Variants in ADAM23 observed in about 807,000 individuals in gnomAD.
ADAM23 encodes the protein ADAM metallopeptidase domain 23, also known as disintegrin and metalloproteinase domain-containing protein 23.
In ADAM23, 33 loss-of-function variants were observed where a neutral mutation model predicts 120.1. That is an observed-to-expected ratio of 0.27 (90% CI 0.21 to 0.37). The LOEUF (loss-of-function observed/expected upper bound fraction) is 0.37. Ranked by LOEUF, ADAM23 falls within the 10% of genes least tolerant of loss-of-function variation. The pLI is 1.00. For synonymous variants in ADAM23, 367 were observed against 375.2 expected (o/e 0.98, Z 0.25); for missense variants, 862 against 1,058.2 (o/e 0.81, Z 2.57).
chr2:206,472,289 C>A (rs1187650622), intron 2 of ADAM23, among the ~76,000 whole-genome samples: 2 of 152,256 alleles, frequency 1.3e-5, no homozygotes, highest in Middle Eastern at 6.8e-3. Context: ...CTTCCTCTTT[C>A]TCTTCAGCGT....
intron 5 of ADAM23, 85 bp downstream of exon 5, chr2:206,542,219 G>A (rs1004391173): frequency 1.6e-5 from 21 of 1,345,194 alleles, no homozygotes; most frequent in African/African-American, 4.3e-5. Context: ...TGACTCTTCC[G>A]TGCCAGTGCT....
chr2:206,564,853 TA>T (rs1402909023), intron 13 of ADAM23, among the ~76,000 whole-genome samples, 166 bp from the exon 14 acceptor site: 1 of 152,250 alleles, frequency 6.6e-6, no homozygotes, highest in East Asian at 1.9e-4. Flanking sequence ...GATAAGGAAC[TA>T]TTGATTTAAA....
chr2:206,506,979 A>G (rs1472007436), intron 3 of ADAM23, among the ~76,000 whole-genome samples: 1 of 152,190 alleles, frequency 6.6e-6, no homozygotes, highest in Non-Finnish European at 1.5e-5. Flanking sequence ...TAAAAATGGA[A>G]AAAGGTGCTC....
chr2:206,578,200 C>T (rs1390671881), intron 18 of ADAM23, among the ~76,000 whole-genome samples: 2 of 151,844 alleles, frequency 1.3e-5, no homozygotes, highest in Non-Finnish European at 2.9e-5. Flanking sequence ...CATTACAAAT[C>T]TATTTATTTA....
chr2:206,520,410 G>A (rs1341717830), intron 3 of ADAM23, among the ~76,000 whole-genome samples: 1 of 152,184 alleles, frequency 6.6e-6, no homozygotes, highest in African/African-American at 2.4e-5. Flanking sequence ...GTACACATTA[G>A]CATTTGCATA....
rs758307823 is a variant in ADAM23 at position 206,589,483 on chromosome 2, G to C, written c.1927G>C (p.Asp643His). Residue 643 changes from aspartate to histidine, a missense_variant, in exon 21 of 26, where the codon GAT (aspartate) becomes CAT (histidine). Asp to His is a moderately conservative substitution (Grantham distance 81). Around this residue, in one of 4 missense-constraint regions of ADAM23, gnomAD observed 617 missense variants for 813.5 expected, o/e 0.76. Coordinates refer to ENST00000264377, the MANE Select transcript of ADAM23 (RefSeq NM_003812.4). Reference protein sequence around the residue: ...EGTEKGNCGKDGDRWIQCSKH... With the variant: ...EGTEKGNCGKHGDRWIQCSKH... The stretch of plus-strand genomic sequence containing the variant: ...CACTGAGAAGGGAAACTGCGGGAAG[G>C]ATGGAGACCGGTGGATTCAGTGCAG... 4.3e-6 allele frequency: 7 copies of C among 1,613,714 alleles called. No individual in the cohort carries two copies. The African/African-American group carries it at 6.7e-5, about 15-fold the overall frequency.
intron 2 of ADAM23, among the ~76,000 whole-genome samples, chr2:206,473,338 C>T (rs953799763): frequency 6.6e-6 from 1 of 152,158 alleles, no homozygotes; most frequent in African/African-American, 2.4e-5. Flanking sequence ...TCTCAGCTCT[C>T]TCCAGCCCCC....
intron 4 of ADAM23, among the ~76,000 whole-genome samples, chr2:206,539,342 G>A (rs139983318): frequency 6.6e-6 from 1 of 152,264 alleles, no homozygotes; most frequent in African/African-American, 2.4e-5. Context: ...GTCATGGGCT[G>A]AATCGAGCCC....
chr2:206,597,178 C>CTTTTTT (rs1173847537), intron 24 of ADAM23, among the ~76,000 whole-genome samples: 1 of 126,124 alleles, frequency 7.9e-6, no homozygotes, highest in African/African-American at 3.0e-5. Flanking sequence ...CTTACATCAT[C>CTTTTTT]TTTTTTTTTT....
At chr2:206,496,921 C>G (rs908870600) in intron 3 of ADAM23, among the ~76,000 whole-genome samples, 1 of 150,958 alleles carries the variant, frequency 6.6e-6, no homozygotes, top group African/African-American at 2.4e-5. Flanking sequence ...ATAAATTCCT[C>G]GACACATACA....
At chr2:206,532,984 T>C (rs946082177) in intron 4 of ADAM23, among the ~76,000 whole-genome samples, 1 of 152,046 alleles carries the variant, frequency 6.6e-6, no homozygotes, top group Non-Finnish European at 1.5e-5. Context: ...TTTTTATTTC[T>C]GAAAGTTTGT....
chr2:206,486,885 C>T (rs1418339308), intron 3 of ADAM23, among the ~76,000 whole-genome samples: 1 of 152,142 alleles, frequency 6.6e-6, no homozygotes, highest in Non-Finnish European at 1.5e-5. Context: ...CAGTCACTCC[C>T]CATTCCCTTC....
intron 24 of ADAM23, chr2:206,607,882 G>GTTTT: frequency 1.9e-5 from 7 of 360,024 alleles, no homozygotes; most frequent in South Asian, 4.3e-5. Flanking sequence ...TCCATGGACA[G>GTTTT]TTTTTTTTTT....
chr2:206,594,814 T>C lies in ADAM23; in HGVS notation c.2156T>C (p.Met719Thr), dbSNP rs1249070295. 1.9e-6 allele frequency: 3 copies of C among 1,614,222 alleles called. No individual in the cohort carries two copies. Among genetic ancestry groups the C allele is most frequent in the South Asian group, 2.2e-5 (2 of 91,086 alleles). The change falls in exon 23 of 26, where the codon ATG becomes ACG. Residue 719 changes from methionine to threonine, a missense_variant. Transcript: ENST00000264377. ...GGAACGCCATGTGGCCCGTCTATGA[T>C]GTGTTTAGATCGGAAGTGCCTACAA... ...EDGTPCGPSM[M>T]CLDRKCLQIQ...
In ADAM23 at chr2:206,573,188, C is replaced by G; in HGVS notation, c.1730C>G (p.Ser577Cys). The change falls in exon 18 of 26, where the codon TCT becomes TGT. Residue 577 changes from serine (S) to cysteine (C), a missense_variant. Transcript: ENST00000264377. ...CDITEYCTGD[S>C]GQCPPNLHKQ... Reference sequence around the variant, plus strand: ...ATTACTGAATATTGTACTGGAGACTCTGGTCAGGTATGGCGCACTGAGTTT... The same window carrying G: ...ATTACTGAATATTGTACTGGAGACTGTGGTCAGGTATGGCGCACTGAGTTT... 1 of 1,613,910 alleles carries G rather than the reference C, an allele frequency of 6.2e-7. No homozygotes were observed. Among genetic ancestry groups the G allele is most frequent in the African/African-American group, 1.3e-5 (1 of 75,030 alleles).
At chr2:206,480,155 A>G (rs1695865448) in intron 2 of ADAM23, among the ~76,000 whole-genome samples, 1 of 152,174 alleles carries the variant, frequency 6.6e-6, no homozygotes, top group South Asian at 2.1e-4. Flanking sequence ...CTGAACGTGA[A>G]GACTGTGTGA....
chr2:206,543,754 C>T (rs755735555), intron 6 of ADAM23, among the ~76,000 whole-genome samples: 1 of 151,912 alleles, frequency 6.6e-6, no homozygotes, highest in Non-Finnish European at 1.5e-5. Context: ...ATGTGATACA[C>T]ACACACACAC....
chr2:206,544,915 G>T (rs573552290), intron 6 of ADAM23, among the ~76,000 whole-genome samples: 82 of 152,212 alleles, frequency 5.4e-4, no homozygotes, highest in Non-Finnish European at 1.1e-3. Flanking sequence ...AAATTAGAGA[G>T]CTGGAAGAAC....
chr2:206,609,042 C>G (rs1698781731), intron 24 of ADAM23, among the ~76,000 whole-genome samples: 1 of 152,134 alleles, frequency 6.6e-6, no homozygotes, highest in Non-Finnish European at 1.5e-5. Flanking sequence ...TTTTAAAATG[C>G]TAAGCTTAAG....
Sources: allele counts gnomAD v4.1 joint callset (sites outside exome capture counted in the v4.1 genomes callset), GRCh38; gene constraint gnomAD v4.1.1; regional missense constraint gnomAD v4.1.1; transcripts MANE v1.5; gene names NCBI Gene and HGNC (gene_info 2026-07-23, HGNC 2026-07-21).